The following TAOK1 variants were observed in gnomAD, a reference collection of about 807,000 sequenced individuals.
TAOK1 encodes the protein TAO kinase 1.
Under a neutral mutation model 138.3 loss-of-function variants are expected in TAOK1, and 21 were observed. That is an observed-to-expected ratio of 0.15 (90% CI 0.11 to 0.22). The LOEUF is 0.22. Ranked by LOEUF, TAOK1 falls within the 10% of genes least tolerant of loss-of-function variation. The pLI, the probability that TAOK1 is intolerant of heterozygous loss-of-function variation, is 1.00. For missense variants in TAOK1, 651 were observed against 1,227.7 expected (o/e 0.53, Z 7.02); for synonymous variants, 361 against 398.4 (o/e 0.91, Z 1.12).
At position 29,409,338 on chromosome 17, in the gene TAOK1, T is replaced by TA. The variant is rs1404398958; in HGVS notation, c.-95+18314_-95+18315insA. ...ATATATATATATATATATATATTTT[T>TA]TTTTTTTTTTTTTTGAGATGGAGTC... On this transcript the variant is annotated intron_variant, in intron 1 of 19. Transcript: ENST00000261716. 5.5e-4 allele frequency among the ~76,000 whole-genome samples: 71 copies of TA among 130,154 alleles called. 1 individual carries two copies. Among genetic ancestry groups the TA allele is most frequent in the Non-Finnish European group, 8.5e-4 (54 of 63,502 alleles). 85.4% of individuals were successfully genotyped at this position (130,154 alleles called of 152,430 possible). A position where few individuals can be genotyped will look rare whatever the true frequency, so the allele number is the denominator to read the frequency against.
chr17:29,547,154 ATCTT>A lies in TAOK1; in HGVS notation c.*4134_*4137del, dbSNP rs1215440251. 2 of 152,146 alleles carry A rather than the reference ATCTT, an allele frequency of 1.3e-5. No homozygotes were observed. Among genetic ancestry groups the A allele is most frequent in the Non-Finnish European group, 2.9e-5 (2 of 67,992 alleles). 9.4% of individuals were successfully genotyped at this position (152,146 alleles called of 1,614,324 possible). The stretch of plus-strand genomic sequence containing the variant: ...AGAAAAAGAACCAATAAATCACACA[ATCTT>A]TATGTGCTTTCTATATGTATTTCTT... On this transcript the variant is annotated 3_prime_UTR_variant, in exon 20 of 20. Coordinates refer to ENST00000261716, the MANE Select transcript of TAOK1 (RefSeq NM_020791.4).
intron 15 of TAOK1, chr17:29,512,950 G>A (rs1358295272): frequency 6.6e-6 from 1 of 152,084 alleles, no homozygotes; most frequent in African/African-American, 2.4e-5. Context: ...CCAAAGTGCT[G>A]GGATTACAGG....
chr17:29,495,360 A>G (rs1178023347), intron 10 of TAOK1, among the ~76,000 whole-genome samples, 200 bp from the exon 11 acceptor site: 2 of 152,226 alleles, frequency 1.3e-5, no homozygotes, highest in Admixed American at 6.5e-5. Flanking sequence ...TATGTTCAAA[A>G]TAAAGAAAAA....
intron 1 of TAOK1, among the ~76,000 whole-genome samples, chr17:29,417,510 T>C (rs1268247151): frequency 6.6e-6 from 1 of 152,222 alleles, no homozygotes; most frequent in Non-Finnish European, 1.5e-5. Flanking sequence ...AGTCCAGCTA[T>C]AGTTGGCAAA....
intron 1 of TAOK1, among the ~76,000 whole-genome samples, chr17:29,444,728 A>G (rs2030033900): frequency 6.6e-6 from 1 of 152,212 alleles, no homozygotes; most frequent in Non-Finnish European, 1.5e-5. Context: ...TGTTGAATCT[A>G]TGAATCATTG....
chr17:29,465,202 C>T (rs1056130096), intron 2 of TAOK1, among the ~76,000 whole-genome samples: 4 of 121,300 alleles, frequency 3.3e-5, no homozygotes, highest in Admixed American at 1.1e-4. Flanking sequence ...TGCAATGGCT[C>T]AAGTGCAATG....
chr17:29,503,395 CAAAAAAAAA>C (rs5819870), intron 13 of TAOK1, among the ~76,000 whole-genome samples: 9 of 84,972 alleles, frequency 1.1e-4, no homozygotes, highest in South Asian at 3.9e-4. Flanking sequence ...GACTCTGTCT[CAAAAAAAAA>C]AAAAAAAAAA....
chr17:29,439,634 T>C (rs554748946), intron 1 of TAOK1, among the ~76,000 whole-genome samples: 1 of 152,266 alleles, frequency 6.6e-6, no homozygotes, highest in South Asian at 2.1e-4. Context: ...TCTTTAATGA[T>C]GTTTTGAAGA....
intron 1 of TAOK1, among the ~76,000 whole-genome samples, chr17:29,405,545 G>A (rs1598466408): frequency 2.0e-5 from 3 of 152,176 alleles, no homozygotes; most frequent in Non-Finnish European, 2.9e-5. Context: ...TTGGGAGGCC[G>A]AGGTGGGCGG....
chr17:29,484,158 A>C (rs565293871), intron 8 of TAOK1, among the ~76,000 whole-genome samples: 3 of 152,214 alleles, frequency 2.0e-5, no homozygotes, highest in South Asian at 2.1e-4. Context: ...ATTCTACTTC[A>C]TAAAAGAGTT....
chr17:29,490,136 AG>A (rs11335611), intron 9 of TAOK1, among the ~76,000 whole-genome samples: 152,122 of 152,122 alleles, frequency 1, 76,061 homozygotes, highest in Non-Finnish European at 1. Context: ...ATTTGATTGG[AG>A]GGATGGTTTA....
At chr17:29,470,185 G>A (rs959734626) in intron 3 of TAOK1, among the ~76,000 whole-genome samples, 1 of 152,098 alleles carries the variant, frequency 6.6e-6, no homozygotes, top group African/African-American at 2.4e-5. Context: ...AGAGTTCTTG[G>A]GTTGCTTCTT....
intron 8 of TAOK1, among the ~76,000 whole-genome samples, chr17:29,488,503 C>T (rs940234756): frequency 3.4e-5 from 3 of 87,828 alleles, no homozygotes; most frequent in African/African-American, 9.8e-5. Context: ...ACCCGGGAGG[C>T]GGAGGTAGTG....
intron 12 of TAOK1, among the ~76,000 whole-genome samples, chr17:29,501,616 G>A (rs1234323240): frequency 1.3e-5 from 2 of 152,068 alleles, no homozygotes; most frequent in Non-Finnish European, 2.9e-5. Context: ...AAACCCAAGA[G>A]CCTTTGAGCA....
At chr17:29,465,073 G>T (rs942702477) in intron 2 of TAOK1, among the ~76,000 whole-genome samples, 4 of 149,104 alleles carry the variant, frequency 2.7e-5, no homozygotes, top group Non-Finnish European at 5.9e-5. Context: ...CACCCGCCTC[G>T]GCCTCCCAAA....
In TAOK1 at chr17:29,546,116, T is replaced by C. The variant is rs1882447165; in HGVS notation, c.*3094T>C. ...TAGTATCCAAAAGTATTTTTATTTG[T>C]ATAATGCTATCTGAAAAATGTGTTT... is the stretch of plus-strand genomic sequence containing the variant. On this transcript the variant is annotated 3_prime_UTR_variant, in exon 20 of 20. Coordinates refer to ENST00000261716, the MANE Select transcript of TAOK1 (RefSeq NM_020791.4). 1 of 152,158 alleles carries C rather than the reference T, an allele frequency of 6.6e-6. No individual in the cohort carries two copies. Among genetic ancestry groups the C allele is most frequent in the South Asian group, 2.1e-4 (1 of 4,830 alleles). 9.4% of individuals were successfully genotyped at this position (152,158 alleles called of 1,614,324 possible).
chr17:29,495,661 G>A lies in TAOK1; in HGVS notation c.933G>A (p.Lys311=), dbSNP rs1598506857. 3 of 1,611,028 alleles carry A rather than the reference G, an allele frequency of 1.9e-6. No individual in the cohort carries two copies. The East Asian group carries it at 6.7e-5, about 36-fold the overall frequency. Residue 311 remains lysine (K), a synonymous_variant, in exon 11 of 20, where the codon AAG becomes AAA. Transcript: ENST00000261716. ...VRELDNLQYR[K]MKKLLFQEAH... is the part of the protein sequence containing the mutation. ...AGCTGGACAATCTGCAGTATCGAAA[G>A]ATGAAGAAACTCCTTTTCCAGGAGG...
chr17:29,455,819 A>G (rs1302512069), intron 2 of TAOK1, among the ~76,000 whole-genome samples: 1 of 150,292 alleles, frequency 6.7e-6, no homozygotes, highest in Non-Finnish European at 1.5e-5. Flanking sequence ...TGATAAATCA[A>G]ACTTCATCAC....
At chr17:29,394,689 A>T (rs1485342732) in intron 1 of TAOK1, among the ~76,000 whole-genome samples, 1 of 152,152 alleles carries the variant, frequency 6.6e-6, no homozygotes, top group Non-Finnish European at 1.5e-5. Context: ...TATAACAATT[A>T]ATTGCACTCA....
Sources: gnomAD v4.1 joint callset for allele counts (sites outside exome capture counted in the v4.1 genomes callset) on GRCh38, gnomAD v4.1.1 for gene constraint, MANE v1.5 for transcripts, NCBI Gene and HGNC (gene_info 2026-07-23, HGNC 2026-07-21) for gene names.